TENM4: variants seen among roughly 807,000 people sequenced by gnomAD.
TENM4 encodes the protein teneurin transmembrane protein 4.
Under a neutral mutation model 243.3 loss-of-function variants are expected in TENM4, and 82 were observed. The observed-to-expected ratio is 0.34, with a 90% confidence interval of 0.28 to 0.40. TENM4 has a LOEUF of 0.40. TENM4 is among the 10% of genes least tolerant of loss of function. The pLI is 1.00. For synonymous variants in TENM4, 1,412 were observed against 1,456.3 expected (o/e 0.97, Z 0.69); for missense variants, 3,138 against 3,673.3 (o/e 0.85, Z 3.77).
At chr11:78,836,910 A>C (rs1858129483) in intron 12 of TENM4, among the ~76,000 whole-genome samples, 1 of 152,244 alleles carries the variant, frequency 6.6e-6, no homozygotes, top group African/African-American at 2.4e-5. Context: ...CTGACAAAAC[A>C]TACACGTGCC....
At chr11:79,174,844 C>A (rs1416748799) in intron 3 of TENM4, among the ~76,000 whole-genome samples, 1 of 152,222 alleles carries the variant, frequency 6.6e-6, no homozygotes, top group African/African-American at 2.4e-5. Flanking sequence ...CAGCTCCCAG[C>A]TGTTGTTAGC....
At chr11:78,847,723 T>C (rs1279810638) in intron 12 of TENM4, among the ~76,000 whole-genome samples, 1 of 152,188 alleles carries the variant, frequency 6.6e-6, no homozygotes, top group Non-Finnish European at 1.5e-5. Flanking sequence ...AATTCTTCAT[T>C]GCTGTATTTA....
intron 12 of TENM4, among the ~76,000 whole-genome samples, chr11:78,841,397 T>C (rs760325205): frequency 1.3e-5 from 2 of 152,174 alleles, no homozygotes; most frequent in Non-Finnish European, 2.9e-5. Context: ...ACACACACAA[T>C]TTAGGCCATA....
In TENM4 at chr11:79,037,793, T is replaced by C. The variant is rs141864172; in HGVS notation, c.493+26945A>G. On this transcript the variant is annotated intron_variant, in intron 6 of 33. Coordinates refer to ENST00000278550, the MANE Select transcript of TENM4 (RefSeq NM_001098816.3). ...ATCAGGATATCCATAGCTAAGAATG[T>C]AACGGTCAAGGGAACTAAATATATG... is the stretch of plus-strand genomic sequence containing the variant. 5.0e-3 allele frequency among the ~76,000 whole-genome samples: 763 copies of C among 152,312 alleles called. 3 individuals are homozygous for C. Among genetic ancestry groups the C allele is most frequent in the Middle Eastern group, 0.024 (7 of 294 alleles).
chr11:79,277,252 G>A (rs1460791398), intron 2 of TENM4, among the ~76,000 whole-genome samples: 1 of 152,186 alleles, frequency 6.6e-6, no homozygotes. Context: ...ATTGGGATGA[G>A]GATGGGTGGT....
intron 25 of TENM4, among the ~76,000 whole-genome samples, chr11:78,718,776 A>G (rs1859579902): frequency 1.3e-5 from 2 of 152,224 alleles, no homozygotes; most frequent in South Asian, 4.1e-4. Context: ...CTTCTGAGAA[A>G]TGGGCATGTT....
At position 79,137,278 on chromosome 11, in the gene TENM4, G is replaced by A. The variant is rs146528235; in HGVS notation, c.-66+11432C>T. On this transcript the variant is annotated intron_variant, in intron 4 of 33. Coordinates refer to ENST00000278550, the MANE Select transcript of TENM4 (RefSeq NM_001098816.3). ...AGAAGGGAGTTACAGTGTTGGCTGGGGTGACTGACCTGGATTATCAAGATG... is the reference window on the plus strand; with the variant it reads ...AGAAGGGAGTTACAGTGTTGGCTGGAGTGACTGACCTGGATTATCAAGATG... Among the ~76,000 whole-genome samples, 6 of 152,204 alleles carry A rather than the reference G, an allele frequency of 3.9e-5. No individual in the cohort carries two copies. The East Asian group carries it at 1.2e-3, about 29-fold the overall frequency.
chr11:78,879,761 C>T (rs1859379370), intron 9 of TENM4, among the ~76,000 whole-genome samples: 2 of 152,104 alleles, frequency 1.3e-5, no homozygotes, highest in Admixed American at 6.5e-5. Flanking sequence ...GGGAGCGCCT[C>T]CACCCGGCCG....
chr11:79,049,384 T>C (rs1258791048), intron 6 of TENM4, among the ~76,000 whole-genome samples: 4 of 152,256 alleles, frequency 2.6e-5, no homozygotes, highest in African/African-American at 4.8e-5. Context: ...CTAAGAGTTA[T>C]TGCATGAAGG....
At chr11:79,181,951 T>TA (rs71050213) in intron 3 of TENM4, among the ~76,000 whole-genome samples, 131,776 of 147,238 alleles carry the variant, frequency 0.89, 59,643 homozygotes, top group Non-Finnish European at 0.97. Context: ...ATCAAAGAAC[T>TA]AAAAAAAAAA....
chr11:79,385,559 CGAA>C (rs1202442559), intron 1 of TENM4, among the ~76,000 whole-genome samples: 2 of 152,076 alleles, frequency 1.3e-5, no homozygotes, highest in African/African-American at 4.8e-5. Context: ...TTTTGAAGAG[CGAA>C]TAATGCCTAA....
chr11:78,721,408 G>A (rs578071488), intron 24 of TENM4, among the ~76,000 whole-genome samples: 9 of 152,280 alleles, frequency 5.9e-5, no homozygotes, highest in African/African-American at 1.9e-4. Context: ...CCTTTCACGC[G>A]TGCGCCTTAG....
intron 5 of TENM4, among the ~76,000 whole-genome samples, chr11:79,068,705 A>G (rs1860331884): frequency 6.6e-6 from 1 of 152,218 alleles, no homozygotes; most frequent in Admixed American, 6.5e-5. Context: ...ATGACCCAAC[A>G]GGCATCAAAG....
At chr11:79,199,484 T>G (rs1010368023) in intron 3 of TENM4, among the ~76,000 whole-genome samples, 1 of 152,226 alleles carries the variant, frequency 6.6e-6, no homozygotes, top group African/African-American at 2.4e-5. Flanking sequence ...GTGGTGAGCC[T>G]GCAATACAAG....
chr11:78,894,709 T>C (rs546865957), intron 7 of TENM4, among the ~76,000 whole-genome samples: 6 of 152,236 alleles, frequency 3.9e-5, no homozygotes, highest in Admixed American at 2.6e-4. Context: ...ATGTTGGCTA[T>C]TGGCCAGGTG....
At chr11:79,422,440 C>A (rs748433911) in intron 1 of TENM4, among the ~76,000 whole-genome samples, 1 of 152,026 alleles carries the variant, frequency 6.6e-6, no homozygotes, top group African/African-American at 2.4e-5. Flanking sequence ...AGACTAGATA[C>A]CTGTCATCTA....
intron 2 of TENM4, among the ~76,000 whole-genome samples, chr11:79,275,322 C>A (rs1438680364): frequency 6.6e-6 from 1 of 152,144 alleles, no homozygotes; most frequent in African/African-American, 2.4e-5. Context: ...CTGTGCTTCT[C>A]AGACGCAAGC....
intron 7 of TENM4, among the ~76,000 whole-genome samples, chr11:78,896,189 G>A (rs535440537): frequency 3.0e-4 from 46 of 152,320 alleles, no homozygotes; most frequent in African/African-American, 1.1e-3. Flanking sequence ...CACCCACAAA[G>A]CCACGGGACA....
chr11:79,115,856 T>C (rs759233301), intron 4 of TENM4, among the ~76,000 whole-genome samples: 1 of 152,232 alleles, frequency 6.6e-6, no homozygotes, highest in Non-Finnish European at 1.5e-5. Context: ...CAGGCCAAGA[T>C]ATGTCCTTCT....
Sources: gnomAD v4.1 joint callset for allele counts (sites outside exome capture counted in the v4.1 genomes callset) on GRCh38, gnomAD v4.1.1 for gene constraint, MANE v1.5 for transcripts, NCBI Gene and HGNC (gene_info 2026-07-23, HGNC 2026-07-21) for gene names.